The following PAPPA variants were observed in gnomAD, a reference collection of about 807,000 sequenced individuals.
PAPPA encodes pappalysin 1, also known as pappalysin-1.
In PAPPA, 60 loss-of-function variants were observed where a neutral mutation model predicts 164.0. The ratio of observed to expected loss-of-function variants is 0.37; its 90% CI spans 0.30 to 0.45. The LOEUF (loss-of-function observed/expected upper bound fraction) is 0.45. Among genes scored for constraint, PAPPA ranks in the 20% least tolerant of loss-of-function variants. The probability of loss-of-function intolerance (pLI) is 1.00; values close to 1 mark genes in which losing one functional copy is unlikely to be tolerated. For missense variants in PAPPA, 1,782 were observed against 2,087.3 expected, an observed-to-expected ratio of 0.85 and a Z score of 2.85; for synonymous variants, 875 against 814.1, an observed-to-expected ratio of 1.07 and a Z score of -1.27.
chr9:116,340,475 C>T (rs1846122265), intron 13 of PAPPA, among the ~76,000 whole-genome samples: 1 of 152,208 alleles, frequency 6.6e-6, no homozygotes, highest in South Asian at 2.1e-4. Flanking sequence ...TCCTAGTTTC[C>T]TGTTCTTGAA....
At chr9:116,230,575 C>T (rs1199788115) in intron 6 of PAPPA, among the ~76,000 whole-genome samples, 1 of 152,148 alleles carries the variant, frequency 6.6e-6, no homozygotes. Flanking sequence ...TCTAATATTG[C>T]ATGGAGCTGT....
At chr9:116,274,182 T>C (rs1409631100) in intron 9 of PAPPA, among the ~76,000 whole-genome samples, 1 of 152,034 alleles carries the variant, frequency 6.6e-6, no homozygotes, top group Non-Finnish European at 1.5e-5. Flanking sequence ...TGGAATGGAA[T>C]ACAAAACCAT....
At chr9:116,334,298 G>A (rs1258791223) in intron 12 of PAPPA, among the ~76,000 whole-genome samples, 1 of 146,190 alleles carries the variant, frequency 6.8e-6, no homozygotes, top group African/African-American at 2.5e-5. Context: ...ATTCTCCCTA[G>A]AGTTTTAGCC....
chr9:116,391,437 C>CTGT (rs1224076360), intron 21 of PAPPA, among the ~76,000 whole-genome samples: 1 of 152,214 alleles, frequency 6.6e-6, no homozygotes, highest in East Asian at 1.9e-4. Flanking sequence ...CACAACATGA[C>CTGT]TGTTGTCCCT....
intron 11 of PAPPA, among the ~76,000 whole-genome samples, 165 bp from the exon 12 acceptor site, chr9:116,332,168 T>G (rs181218438): frequency 2.0e-4 from 31 of 152,232 alleles, no homozygotes; most frequent in Non-Finnish European, 4.3e-4. Flanking sequence ...GCCTGTGCTC[T>G]TCACTGTTAG....
At chr9:116,230,572 T>G (rs1247564651) in intron 6 of PAPPA, among the ~76,000 whole-genome samples, 1 of 152,212 alleles carries the variant, frequency 6.6e-6, no homozygotes, top group African/African-American at 2.4e-5. Context: ...AGCTCTAATA[T>G]TGCATGGAGC....
intron 7 of PAPPA, among the ~76,000 whole-genome samples, chr9:116,241,566 CT>C (rs1453035642): frequency 3.9e-5 from 6 of 152,152 alleles, no homozygotes; most frequent in African/African-American, 1.2e-4. Context: ...TTTAACAGTG[CT>C]TGTGGTTTTT....
intron 10 of PAPPA, among the ~76,000 whole-genome samples, chr9:116,305,134 G>GACACACACACACACACACACACAC (rs57723920): frequency 1.2e-4 from 15 of 129,958 alleles, no homozygotes; most frequent in Admixed American, 6.3e-4. Flanking sequence ...TGGGCACACA[G>GACACACACACACACACACACACAC]ACACACACAC....
intron 17 of PAPPA, among the ~76,000 whole-genome samples, chr9:116,360,303 G>A (rs955811025): frequency 3.9e-5 from 6 of 152,294 alleles, no homozygotes; most frequent in African/African-American, 9.6e-5. Flanking sequence ...ATGAAGCTGC[G>A]TAAGTTTGCC....
At chr9:116,157,351 A>G (rs1587932427) in intron 1 of PAPPA, among the ~76,000 whole-genome samples, 1 of 152,186 alleles carries the variant, frequency 6.6e-6, no homozygotes, top group Non-Finnish European at 1.5e-5. Context: ...AGCTCAGAAA[A>G]CATGCCTTTT....
At position 116,353,640 on chromosome 9, in the gene PAPPA, G is replaced by C; in HGVS notation, c.4194G>C (p.Gln1398His). Residue 1398 changes from glutamine (Q) to histidine (H), a missense_variant, in exon 17 of 22, where the codon CAG becomes CAC. Coordinates refer to ENST00000328252, the MANE Select transcript of PAPPA (RefSeq NM_002581.5). ...RKSKKRAFKT[Q>H]CTQDGSWQEG... ...CTTGAAGACGGGCCTTCAAGACTCA[G>C]TGTACCCAGGATGGCAGCTGGCAGG... is the stretch of plus-strand genomic sequence containing the variant. 1 of 1,613,994 alleles carries C rather than the reference G, an allele frequency of 6.2e-7. No individual in the cohort carries two copies. The highest frequency in any genetic ancestry group is 8.5e-7 in the Non-Finnish European group (1 of 1,179,974).
chr9:116,291,281 A>T (rs796549543), intron 9 of PAPPA, among the ~76,000 whole-genome samples: 70 of 152,238 alleles, frequency 4.6e-4, no homozygotes, highest in African/African-American at 1.7e-3. Context: ...TTTCAAATTC[A>T]GTTAGGATAG....
chr9:116,211,532 T>G (rs1399862566), intron 3 of PAPPA, 107 bp from the exon 4 acceptor site: 18 of 913,546 alleles, frequency 2.0e-5, no homozygotes, highest in Non-Finnish European at 2.4e-5. Context: ...GTGGAGAAGC[T>G]TGTGTTTATT....
chr9:116,342,848 G>T (rs1846156138), intron 13 of PAPPA, among the ~76,000 whole-genome samples: 3 of 152,064 alleles, frequency 2.0e-5, no homozygotes, highest in South Asian at 2.1e-4. Context: ...AGAGAAAACT[G>T]CCCCCTAGAA....
rs1843987479 is a variant in PAPPA, at chr9:116,187,524, C to T, written c.786C>T (p.Ala262=). 1 of 1,614,044 alleles carries T rather than the reference C, an allele frequency of 6.2e-7. No individual in the cohort carries two copies. The highest frequency in any genetic ancestry group is 8.5e-7 in the Non-Finnish European group (1 of 1,180,028). The change falls in exon 2 of 22, where the codon GCC becomes GCT. Residue 262 remains alanine, a synonymous_variant. Coordinates refer to ENST00000328252, the MANE Select transcript of PAPPA (RefSeq NM_002581.5). The surrounding 1 kb of genome is among the most constrained non-coding windows in gnomAD (Gnocchi z 4.2). ...YIEHFSLWKV[A]RTQREILSDM... ...AGCACTTCAGTCTGTGGAAGGTGGC[C>T]AGGACTCAGCGGGAGATACTGTCTG... is the stretch of plus-strand genomic sequence containing the variant.
At chr9:116,256,624 A>C (rs1233815880) in intron 7 of PAPPA, among the ~76,000 whole-genome samples, 3 of 152,018 alleles carry the variant, frequency 2.0e-5, no homozygotes, top group African/African-American at 4.8e-5. Context: ...GATTTAAAAA[A>C]AGAAGTCACC....
intron 19 of PAPPA, among the ~76,000 whole-genome samples, chr9:116,371,273 C>T (rs577873260): frequency 1.7e-4 from 26 of 152,162 alleles, no homozygotes; most frequent in Non-Finnish European, 2.4e-4. Context: ...AAAAATTAGG[C>T]GAGCATGGTG....
At chr9:116,353,340 A>G (rs1846309027) in intron 16 of PAPPA, among the ~76,000 whole-genome samples, 1 of 152,202 alleles carries the variant, frequency 6.6e-6, no homozygotes, top group South Asian at 2.1e-4. Context: ...ACACATCAGA[A>G]CACTCTGCAA....
intron 7 of PAPPA, among the ~76,000 whole-genome samples, chr9:116,242,306 A>G (rs1171275164): frequency 6.6e-6 from 1 of 152,138 alleles, no homozygotes; most frequent in Non-Finnish European, 1.5e-5. Context: ...GAAGAAGTTC[A>G]CCACAGTTCA....
Sources: gnomAD v4.1 joint callset for allele counts (sites outside exome capture counted in the v4.1 genomes callset) on GRCh38, gnomAD v4.1.1 for gene constraint, Gnocchi (gnomAD v3.1) non-coding constraint, MANE v1.5 for transcripts, NCBI Gene and HGNC (gene_info 2026-07-23, HGNC 2026-07-21) for gene names.